The following RP1L1 variants were observed in gnomAD, a reference collection of about 807,000 sequenced individuals.
RP1L1 encodes the protein RP1 like 1.
Under a neutral mutation model 15.7 loss-of-function variants are expected in RP1L1, and 27 were observed. The ratio of observed to expected loss-of-function variants is 1.72; its 90% confidence interval spans 1.27 to 2.38. RP1L1 has a LOEUF of 2.38. Among genes scored for constraint, RP1L1 ranks in the 30% most tolerant of loss-of-function variants. The probability of loss-of-function intolerance (pLI) is 0.00; values close to 1 mark genes in which losing one functional copy is unlikely to be tolerated. For missense variants in RP1L1, 4,798 were observed against 3,075.9 expected (o/e 1.56, Z -13.24); for synonymous variants, 1,813 against 1,276.7 (o/e 1.42, Z -8.96).
Position 10,610,689 on chromosome 8 carries a change from T to C in RP1L1, c.3409A>G (p.Ser1137Gly), listed in dbSNP as rs1238020540. ...GGGGAGTCTTTGAACCTCACTTTGC[T>C]GGCAGGAGACCCAAGGTCTTCCTCA... Reference protein sequence around the residue: ...LFEEDLGSPASKVRFKDSPRY... With the variant: ...LFEEDLGSPAGKVRFKDSPRY... The change falls in exon 4 of 4, where the codon AGC becomes GGC. Residue 1137 changes from serine to glycine, a missense_variant. By Grantham distance (56) the Ser-to-Gly change is moderately conservative (BLOSUM62 0). Coordinates refer to ENST00000382483, the MANE Select transcript of RP1L1 (RefSeq NM_178857.6). The C allele has an allele frequency of 8.7e-6, 14 of 1,612,316 alleles. No individual in the cohort carries two copies. The highest frequency in any genetic ancestry group is 1.2e-5 in the Non-Finnish European group (14 of 1,179,386).
chr8:10,636,126 G>A (rs1237673423), intron 1 of RP1L1, among the ~76,000 whole-genome samples: 1 of 152,226 alleles, frequency 6.6e-6, no homozygotes, highest in Non-Finnish European at 1.5e-5. Flanking sequence ...TCCCTCATCT[G>A]TCAAATGACT....
Position 10,642,365 on chromosome 8 carries a change from G to A in RP1L1, c.-20+12533C>T, listed in dbSNP as rs118012490. On this transcript the variant is annotated intron_variant, in intron 1 of 3. Coordinates refer to ENST00000382483, the MANE Select transcript of RP1L1 (RefSeq NM_178857.6). ...TGAGGACGGCCAATAATTATTAACC[G>A]GACGTCATTTTGAAGAGCTTCTAGG... is the stretch of plus-strand genomic sequence containing the variant. 2.3e-3 allele frequency among the ~76,000 whole-genome samples: 353 copies of A among 152,220 alleles called. 2 individuals are homozygous for A. The highest frequency in any genetic ancestry group is 3.5e-3 in the Non-Finnish European group (235 of 68,016).
intron 2 of RP1L1, among the ~76,000 whole-genome samples, chr8:10,620,468 T>C (rs1798040439): frequency 6.6e-6 from 1 of 152,078 alleles, no homozygotes; most frequent in African/African-American, 2.4e-5. Flanking sequence ...TAGCTGGGCA[T>C]AGTGGTGAAT....
chr8:10,610,471 G>T lies in RP1L1; in HGVS notation c.3627C>A (p.Gly1209=), dbSNP rs748618376. 4 of 1,613,784 alleles carry T rather than the reference G, an allele frequency of 2.5e-6. No individual in the cohort carries two copies. Among genetic ancestry groups the T allele is most frequent in the Non-Finnish European group, 3.4e-6 (4 of 1,180,014 alleles). The part of the protein sequence containing the change: ...SGVDISSGSG[G]SGESSVPCAM... Reference sequence around the variant, plus strand: ...CACAGGGTACGCTACTCTCCCCTGAGCCTCCAGAGCCGCTGCTGATGTCCA... The same window carrying T: ...CACAGGGTACGCTACTCTCCCCTGATCCTCCAGAGCCGCTGCTGATGTCCA... Residue 1209 remains glycine (G), a synonymous_variant, in exon 4 of 4, where the codon GGC becomes GGA. Transcript: ENST00000382483.
chr8:10,650,819 G>A (rs1040985903), intron 1 of RP1L1, among the ~76,000 whole-genome samples: 2 of 152,008 alleles, frequency 1.3e-5, no homozygotes, highest in Admixed American at 6.6e-5. Flanking sequence ...CACCTGCCTC[G>A]GCCTCCCAAA....
chr8:10,621,228 A>G (rs1280281046), intron 2 of RP1L1: 1 of 155,068 alleles, frequency 6.4e-6, no homozygotes, highest in Non-Finnish European at 1.4e-5. Flanking sequence ...TGTGGGGAGA[A>G]GGTGAACGTG....
At chr8:10,637,256 C>T (rs568063199) in intron 1 of RP1L1, among the ~76,000 whole-genome samples, 6 of 152,276 alleles carry the variant, frequency 3.9e-5, no homozygotes, top group African/African-American at 9.6e-5. Flanking sequence ...GGCTTGGCCG[C>T]GGAATGCGCA....
At chr8:10,632,132 G>A (rs1798262286) in intron 1 of RP1L1, among the ~76,000 whole-genome samples, 1 of 152,152 alleles carries the variant, frequency 6.6e-6, no homozygotes, top group South Asian at 2.1e-4. Context: ...AGAGGCTTCG[G>A]GTGAAGGCAG....
At chr8:10,626,634 GA>G (rs1798163399) in intron 1 of RP1L1, among the ~76,000 whole-genome samples, 1 of 151,922 alleles carries the variant, frequency 6.6e-6, no homozygotes, top group Non-Finnish European at 1.5e-5. Flanking sequence ...AAGGAAGAAT[GA>G]AAAAAAGAAA....
chr8:10,612,205 G>A lies in RP1L1; in HGVS notation c.1893C>T (p.Cys631=), dbSNP rs1797874845. ...SEGASSTPST[C]TSSQQGQRRH... ...TTCTCTGCCCCTGCTGGGATGAAGTGCAGGTGGAAGGGGTGGAAGAGGCTC... is the reference window on the plus strand; with the variant it reads ...TTCTCTGCCCCTGCTGGGATGAAGTACAGGTGGAAGGGGTGGAAGAGGCTC... The change falls in exon 4 of 4, where the codon TGC becomes TGT. Residue 631 remains cysteine (C), a synonymous_variant. Transcript: ENST00000382483. 2 of 1,613,274 alleles carry A rather than the reference G, an allele frequency of 1.2e-6. No homozygotes were observed. The highest frequency in any genetic ancestry group is 1.3e-5 in the African/African-American group (1 of 75,062).
Position 10,606,713 on chromosome 8 carries a change from G to A in RP1L1, c.*182C>T. 9.8e-7 allele frequency: 1 copy of A among 1,024,944 alleles called. No individual in the cohort carries two copies. The highest frequency in any genetic ancestry group is 2.6e-5 in the East Asian group (1 of 38,258). The allele number at this position is 1,024,944 out of a possible 1,614,324, so 63.5% of individuals were successfully genotyped here. On this transcript the variant is annotated 3_prime_UTR_variant, in exon 4 of 4. Transcript: ENST00000382483. ...TGTGGGACGGGCCGCAGAGCTCTCT[G>A]ACACTTCTGGACTTAAGAGTCCCAG...
intron 1 of RP1L1, among the ~76,000 whole-genome samples, chr8:10,653,969 C>T (rs987064983): frequency 3.3e-5 from 5 of 152,178 alleles, no homozygotes; most frequent in Non-Finnish European, 7.3e-5. Context: ...TTTCCCTTCA[C>T]TGTGCAGCAG....
At chr8:10,615,756 T>C (rs1013313290) in intron 3 of RP1L1, among the ~76,000 whole-genome samples, 1 of 152,004 alleles carries the variant, frequency 6.6e-6, no homozygotes, top group African/African-American at 2.4e-5. Flanking sequence ...TGTCTAGGCT[T>C]GTCTTGAACT....
intron 3 of RP1L1, 133 bp downstream of exon 3, chr8:10,616,313 C>A: frequency 1.7e-6 from 2 of 1,196,160 alleles, no homozygotes; most frequent in South Asian, 1.2e-5. Context: ...AAGAGAGATC[C>A]CAAAATGACT....
In RP1L1 at chr8:10,607,951, C is replaced by A. The variant is rs200913755; in HGVS notation, c.6147G>T (p.Gln2049His). The A allele has an allele frequency of 3.8e-4, 606 of 1,613,408 alleles. 2 individuals are homozygous for A. Among genetic ancestry groups the A allele is most frequent in the Non-Finnish European group, 4.8e-4 (563 of 1,179,758 alleles). ...GGGCCTCTACACCGTCTGACTCTGGCTGGGCATCCCCTTCTGTCTTCTGGG... is the reference window on the plus strand; with the variant it reads ...GGGCCTCTACACCGTCTGACTCTGGATGGGCATCCCCTTCTGTCTTCTGGG... Reference protein sequence around the residue: ...GETQKTEGDAQPESDGVEAPE... With the variant: ...GETQKTEGDAHPESDGVEAPE... Residue 2049 changes from glutamine to histidine, a missense_variant, in exon 4 of 4, where the codon CAG becomes CAT. By Grantham distance (24) the Gln-to-His change is conservative. Coordinates refer to ENST00000382483, the MANE Select transcript of RP1L1 (RefSeq NM_178857.6).
intron 1 of RP1L1, among the ~76,000 whole-genome samples, chr8:10,631,030 G>C (rs566052834): frequency 6.6e-6 from 1 of 152,176 alleles, no homozygotes; most frequent in South Asian, 2.1e-4. Context: ...AGGGGGAATG[G>C]CTTTGCCGGG....
At chr8:10,616,389 C>T in intron 3 of RP1L1, 57 bp downstream of exon 3, 1 of 1,611,004 alleles carries the variant, frequency 6.2e-7, no homozygotes, top group Non-Finnish European at 8.5e-7. Flanking sequence ...TCCACTCAGC[C>T]CTACTGAACC....
chr8:10,623,798 C>A (rs1461033168), intron 1 of RP1L1, among the ~76,000 whole-genome samples: 3 of 151,668 alleles, frequency 2.0e-5, no homozygotes, highest in Admixed American at 1.3e-4. Context: ...ACCACATGTC[C>A]CCAACATTGC....
At position 10,608,121 on chromosome 8, in the gene RP1L1, C is replaced by A. The variant is rs746076334; in HGVS notation, c.5977G>T (p.Ala1993Ser). Residue 1993 changes from alanine to serine, a missense_variant, in exon 4 of 4, where the codon GCC becomes TCC. Transcript: ENST00000382483. Reference sequence around the variant, plus strand: ...TCTACATCTTCTGACTCTGGCTGGGCCTCCCCTTCTGCCTCCTGGGTCTCC... The same window carrying A: ...TCTACATCTTCTGACTCTGGCTGGGACTCCCCTTCTGCCTCCTGGGTCTCC... ...EVETQEAEGEAQPESEDVEAP... is the reference protein window; with the variant it reads ...EVETQEAEGESQPESEDVEAP... The A allele has an allele frequency of 5.0e-6, 8 of 1,613,470 alleles. No individual in the cohort carries two copies. Among genetic ancestry groups the A allele is most frequent in the African/African-American group, 2.7e-5 (2 of 74,728 alleles).
Sources: allele counts gnomAD v4.1 joint callset (sites outside exome capture counted in the v4.1 genomes callset), GRCh38; gene constraint gnomAD v4.1.1; transcripts MANE v1.5; gene names NCBI Gene and HGNC (gene_info 2026-07-23, HGNC 2026-07-21).